RAI14: variants seen among roughly 807,000 people sequenced by gnomAD.
RAI14 encodes the protein ankycorbin.
RAI14 carries 45 observed loss-of-function variants against 115.4 expected under a neutral mutation model. The ratio of observed to expected loss-of-function variants is 0.39; its 90% CI spans 0.31 to 0.50. The LOEUF is 0.50. Ranked by LOEUF, RAI14 falls within the 20% of genes least tolerant of loss-of-function variation. The pLI is 0.85. For synonymous variants in RAI14, 371 were observed against 415.4 expected (o/e 0.89, Z 1.30); for missense variants, 939 against 1,131.2 (o/e 0.83, Z 2.44).
chr5:34,791,424 G>A lies in RAI14; in HGVS notation c.168-4515G>A, dbSNP rs1170791415. Among the ~76,000 whole-genome samples the A allele has an allele frequency of 6.6e-6, 1 of 151,544 alleles. No homozygotes were observed. Among genetic ancestry groups the A allele is most frequent in the Non-Finnish European group, 1.5e-5 (1 of 67,952 alleles). On this transcript the variant is annotated intron_variant, in intron 3 of 17. Coordinates refer to ENST00000265109, the MANE Select transcript of RAI14 (RefSeq NM_015577.3). This position sits in a 1 kb window ranked among gnomAD's most constrained non-coding sequence, Gnocchi z 5.4. ...TGCCATATAATTAAAAAGTTATATG[G>A]TATATTCTCCCATTACATTTTAGCC...
In RAI14 at chr5:34,700,308, A is replaced by G. The variant is rs189027081; in HGVS notation, c.36+13353A>G. The stretch of plus-strand genomic sequence containing the variant: ...GCGGACTGTTTTGTAAGCTCTGGTC[A>G]GTGTTCAGTGAGTTAAGTCCAGCAG... On this transcript the variant is annotated intron_variant, in intron 2 of 17. Transcript: ENST00000265109. 5.6e-4 allele frequency among the ~76,000 whole-genome samples: 86 copies of G among 152,226 alleles called. 2 individuals are homozygous for G. The East Asian group carries it at 0.013, about 24-fold the overall frequency.
chr5:34,806,613 C>T (rs549283052), intron 5 of RAI14, among the ~76,000 whole-genome samples: 2 of 150,338 alleles, frequency 1.3e-5, no homozygotes, highest in Non-Finnish European at 3.0e-5. Context: ...GAAGAGGGGT[C>T]GGGGAAGGGG....
chr5:34,762,470 T>C (rs1190283799), intron 3 of RAI14, among the ~76,000 whole-genome samples: 1 of 152,078 alleles, frequency 6.6e-6, no homozygotes, highest in Admixed American at 6.6e-5. Context: ...AGTATTTTCT[T>C]TCAGGGAAAG....
At chr5:34,763,679 G>A (rs1204740244) in intron 3 of RAI14, among the ~76,000 whole-genome samples, 1 of 152,156 alleles carries the variant, frequency 6.6e-6, no homozygotes. Context: ...TGCATGTAAG[G>A]GGTTCAGGAC....
chr5:34,795,645 C>A (rs1019419592), intron 3 of RAI14, among the ~76,000 whole-genome samples: 1 of 152,014 alleles, frequency 6.6e-6, no homozygotes, highest in African/African-American at 2.4e-5. Flanking sequence ...CATCAAGAGA[C>A]AAATATATGG....
intron 1 of RAI14, among the ~76,000 whole-genome samples, chr5:34,666,850 G>A (rs967813960): frequency 1.3e-5 from 2 of 152,250 alleles, no homozygotes; most frequent in African/African-American, 4.8e-5. Context: ...ACCAGTATGT[G>A]TTGATGGGAT....
chr5:34,687,703 G>C (rs1296651794), intron 2 of RAI14: 4 of 1,551,544 alleles, frequency 2.6e-6, no homozygotes, highest in Non-Finnish European at 2.6e-6. Flanking sequence ...TTAATGGAAG[G>C]GAATTAGATG....
Position 34,826,426 on chromosome 5 carries a change from C to G in RAI14, c.2746C>G (p.Gln916Glu). 1 of 1,614,108 alleles carries G rather than the reference C, an allele frequency of 6.2e-7. No individual in the cohort carries two copies. Among genetic ancestry groups the G allele is most frequent in the Non-Finnish European group, 8.5e-7 (1 of 1,179,990 alleles). Residue 916 changes from glutamine (Q) to glutamate (E), a missense_variant, in exon 16 of 18, where the codon CAG becomes GAG. By Grantham distance (29) the Gln-to-Glu change is conservative. Transcript: ENST00000265109. ...AACAAGCTCATCCAAAAGGCAGAGT[C>G]AGCAGCTGGAGGCGCTGCAGCAGCA... The part of the protein sequence containing the change: ...YSTSSSKRQS[Q>E]QLEALQQQVK...
rs1426130992 is a variant in RAI14 at position 34,757,482 on chromosome 5, C to T, written c.51C>T (p.Asn17=). ...KFRKSDTNEW[N]KNDDRLLQAV... The stretch of plus-strand genomic sequence containing the variant: ...TTTCTCTACAGACCAATGAGTGGAA[C>T]AAGAATGATGACCGGCTACTGCAGG... The change falls in exon 3 of 18, where the codon AAC becomes AAT. Residue 17 remains asparagine (N), a synonymous_variant. Coordinates refer to ENST00000265109, the MANE Select transcript of RAI14 (RefSeq NM_015577.3). The T allele has an allele frequency of 2.5e-6, 4 of 1,613,532 alleles. No individual in the cohort carries two copies. Among genetic ancestry groups the T allele is most frequent in the Non-Finnish European group, 3.4e-6 (4 of 1,179,882 alleles).
intron 1 of RAI14, among the ~76,000 whole-genome samples, chr5:34,671,933 A>T (rs1374851464): frequency 6.6e-6 from 1 of 152,078 alleles, no homozygotes; most frequent in Non-Finnish European, 1.5e-5. Flanking sequence ...AGGTCCTGTA[A>T]CCCCGCTCCA....
intron 3 of RAI14, chr5:34,757,805 C>A: frequency 2.3e-6 from 1 of 426,050 alleles, no homozygotes. Context: ...TACATGTTCC[C>A]AAGTATAAGC....
intron 2 of RAI14, among the ~76,000 whole-genome samples, chr5:34,720,442 G>T (rs1239166536): frequency 1.7e-5 from 2 of 118,382 alleles, no homozygotes; most frequent in African/African-American, 6.7e-5. Flanking sequence ...ATGGAGTCTC[G>T]CTCTGTCGCC....
intron 2 of RAI14, among the ~76,000 whole-genome samples, chr5:34,732,504 T>C (rs187040272): frequency 6.5e-4 from 98 of 150,592 alleles, no homozygotes; most frequent in Middle Eastern, 6.8e-3. Flanking sequence ...AGTGGCGTGA[T>C]CTTGGCTCAC....
intron 2 of RAI14, among the ~76,000 whole-genome samples, chr5:34,731,965 G>A (rs375591423): frequency 6.6e-6 from 1 of 152,212 alleles, no homozygotes; most frequent in Non-Finnish European, 1.5e-5. Flanking sequence ...GTGGAGTGGA[G>A]GGAGAGGTCA....
chr5:34,707,417 A>C (rs1389205350), intron 2 of RAI14, among the ~76,000 whole-genome samples: 2 of 152,230 alleles, frequency 1.3e-5, no homozygotes, highest in African/African-American at 4.8e-5. Flanking sequence ...GCAGTGAGCC[A>C]AGATCACGCT....
chr5:34,756,523 G>T (rs1747900489), intron 2 of RAI14, among the ~76,000 whole-genome samples: 1 of 152,162 alleles, frequency 6.6e-6, no homozygotes, highest in African/African-American at 2.4e-5. Flanking sequence ...GGCAGCCCGG[G>T]CTTGCAAAGT....
intron 2 of RAI14, among the ~76,000 whole-genome samples, chr5:34,721,031 C>T (rs1742648405): frequency 1.3e-5 from 2 of 151,672 alleles, no homozygotes; most frequent in African/African-American, 4.8e-5. Flanking sequence ...CCATGACAGC[C>T]CACAGAGAGG....
intron 3 of RAI14, among the ~76,000 whole-genome samples, chr5:34,788,520 T>C (rs1752574745): frequency 6.6e-6 from 1 of 152,192 alleles, no homozygotes; most frequent in Admixed American, 6.5e-5. Flanking sequence ...TAGAACCATG[T>C]CTCACACATA....
At chr5:34,766,921 A>T (rs1749458109) in intron 3 of RAI14, among the ~76,000 whole-genome samples, 1 of 152,116 alleles carries the variant, frequency 6.6e-6, no homozygotes, top group Non-Finnish European at 1.5e-5. Flanking sequence ...TTCTTGCAGT[A>T]GTGAGTAAGT....
Sources: gnomAD v4.1 joint callset for allele counts (sites outside exome capture counted in the v4.1 genomes callset) on GRCh38, gnomAD v4.1.1 for gene constraint, Gnocchi (gnomAD v3.1) non-coding constraint, MANE v1.5 for transcripts, NCBI Gene and HGNC (gene_info 2026-07-23, HGNC 2026-07-21) for gene names.